The following LRMDA variants were observed in gnomAD, a reference collection of about 807,000 sequenced individuals.
The protein encoded by LRMDA is leucine-rich melanocyte differentiation-associated protein.
A neutral mutation model predicts 29.8 loss-of-function variants in LRMDA; 18 were observed. The ratio of observed to expected loss-of-function variants is 0.60; its 90% CI spans 0.42 to 0.90. LRMDA has a LOEUF of 0.90. Among genes scored for constraint, LRMDA ranks in the 40% least tolerant of loss-of-function variants. The pLI is 0.00. For synonymous variants in LRMDA, 125 were observed against 109.4 expected (o/e 1.14, Z -0.89); for missense variants, 273 against 273.9 (o/e 1.00, Z 0.02).
Position 76,357,488 on chromosome 10 carries a change from C to G in LRMDA, c.601+33003C>G, listed in dbSNP as rs1316296588. On this transcript the variant is annotated intron_variant, in intron 6 of 6. Transcript: ENST00000611255. ...AAGCACTGTGTAGAAGAGACTAGTC[C>G]CTGGATGGGGGAATTTTAAACTTCC... Among the ~76,000 whole-genome samples the G allele has an allele frequency of 2.0e-5, 3 of 152,156 alleles. No homozygotes were observed. The East Asian group carries it at 5.8e-4, about 29-fold the overall frequency.
chr10:76,206,073 C>T (rs1291158860), intron 5 of LRMDA, among the ~76,000 whole-genome samples: 3 of 152,118 alleles, frequency 2.0e-5, no homozygotes, highest in Non-Finnish European at 2.9e-5. Flanking sequence ...TTCCTCCCGT[C>T]GATCAAAAGA....
intron 2 of LRMDA, among the ~76,000 whole-genome samples, chr10:75,975,994 A>G (rs771735193): frequency 4.6e-5 from 7 of 152,142 alleles, no homozygotes; most frequent in Admixed American, 6.5e-5. Flanking sequence ...TTTTCTTCCT[A>G]CAATCTATTT....
chr10:76,217,296 T>G (rs531509178), intron 5 of LRMDA, among the ~76,000 whole-genome samples: 12 of 152,230 alleles, frequency 7.9e-5, no homozygotes, highest in Non-Finnish European at 1.8e-4. Flanking sequence ...CCCCAAACTG[T>G]ATTCCATACA....
chr10:75,682,930 G>T (rs1042361254), intron 2 of LRMDA, among the ~76,000 whole-genome samples: 1 of 152,170 alleles, frequency 6.6e-6, no homozygotes, highest in Non-Finnish European at 1.5e-5. Flanking sequence ...AATGTTCACT[G>T]TATAAAAAAC....
intron 5 of LRMDA, among the ~76,000 whole-genome samples, chr10:76,260,550 A>G (rs534671045): frequency 6.6e-6 from 1 of 152,224 alleles, no homozygotes; most frequent in South Asian, 2.1e-4. Flanking sequence ...GGAGAAACCC[A>G]TTATTAATGT....
At chr10:76,538,516 A>T (rs1843316190) in intron 6 of LRMDA, among the ~76,000 whole-genome samples, 1 of 147,524 alleles carries the variant, frequency 6.8e-6, no homozygotes, top group Non-Finnish European at 1.5e-5. Flanking sequence ...ATATATGTAT[A>T]TACATATTTA....
At chr10:75,721,689 TATC>T (rs1842569082) in intron 2 of LRMDA, among the ~76,000 whole-genome samples, 1 of 152,212 alleles carries the variant, frequency 6.6e-6, no homozygotes, top group African/African-American at 2.4e-5. Flanking sequence ...CTAGGTGACA[TATC>T]ATGTTGTATT....
intron 6 of LRMDA, among the ~76,000 whole-genome samples, chr10:76,434,924 G>A (rs988197062): frequency 6.6e-5 from 10 of 152,142 alleles, no homozygotes; most frequent in African/African-American, 1.2e-4. Context: ...AATGCCAGTA[G>A]CCAGGCACTG....
At chr10:76,105,949 G>A (rs1470922240) in intron 5 of LRMDA, among the ~76,000 whole-genome samples, 8 of 152,134 alleles carry the variant, frequency 5.3e-5, no homozygotes, top group African/African-American at 1.9e-4. Flanking sequence ...GTTCTGCCAT[G>A]TTGGCCAGGC....
At chr10:76,557,137 C>A in intron 6 of LRMDA, 72 bp from the exon 7 acceptor site, 1 of 1,239,378 alleles carries the variant, frequency 8.1e-7, no homozygotes, top group Non-Finnish European at 1.2e-6. Context: ...TGCATGTCTG[C>A]TTTTCAGCAC....
intron 2 of LRMDA, among the ~76,000 whole-genome samples, chr10:75,734,303 G>A (rs780979872): frequency 4.6e-5 from 7 of 152,178 alleles, no homozygotes; most frequent in Admixed American, 6.5e-5. Flanking sequence ...ACACATGGGC[G>A]TAGAGAAAAC....
At chr10:75,820,883 A>G (rs1236858227) in intron 2 of LRMDA, among the ~76,000 whole-genome samples, 1 of 152,246 alleles carries the variant, frequency 6.6e-6, no homozygotes, top group African/African-American at 2.4e-5. Flanking sequence ...TATTGTGACC[A>G]TCTGTTTATG....
At chr10:76,092,104 T>C (rs906511259) in intron 5 of LRMDA, among the ~76,000 whole-genome samples, 1 of 152,218 alleles carries the variant, frequency 6.6e-6, no homozygotes, top group Non-Finnish European at 1.5e-5. Context: ...TTTGGCTGTA[T>C]GCAAATGGTT....
chr10:76,461,805 G>A (rs1203333703), intron 6 of LRMDA, among the ~76,000 whole-genome samples: 3 of 152,062 alleles, frequency 2.0e-5, no homozygotes, highest in African/African-American at 7.2e-5. Context: ...CCGGGTACAG[G>A]GGCACACACC....
chr10:76,519,409 A>AATG (rs1423278827), intron 6 of LRMDA, among the ~76,000 whole-genome samples: 1 of 152,220 alleles, frequency 6.6e-6, no homozygotes, highest in African/African-American at 2.4e-5. Context: ...TTTGTTCTTA[A>AATG]TGGTAAAAAG....
chr10:76,147,472 G>C (rs61376763), intron 5 of LRMDA, among the ~76,000 whole-genome samples: 20,902 of 151,816 alleles, frequency 0.14, 1,569 homozygotes, highest in East Asian at 0.24. Context: ...TCCAGTTGAT[G>C]GCATCGGCTA....
At chr10:75,862,271 G>A (rs569810681) in intron 2 of LRMDA, among the ~76,000 whole-genome samples, 2 of 152,134 alleles carry the variant, frequency 1.3e-5, no homozygotes, top group African/African-American at 2.4e-5. Context: ...AGAAGTTGGT[G>A]TTTTTGGACT....
At position 76,457,385 on chromosome 10, in the gene LRMDA, T is replaced by C. The variant is rs148208555; in HGVS notation, c.602-99824T>C. On this transcript the variant is annotated intron_variant, in intron 6 of 6. Transcript: ENST00000611255. ...ATGCACAAAGCAGTGAAATGTTGAG[T>C]TGCCCGATGTGCATGTTTCCAGCTG... Among the ~76,000 whole-genome samples the C allele has an allele frequency of 5.3e-5, 8 of 152,302 alleles. No individual in the cohort carries two copies. In the East Asian group the frequency reaches 1.5e-3, roughly 29 times the overall value.
At chr10:76,278,801 A>G (rs1840167434) in intron 5 of LRMDA, among the ~76,000 whole-genome samples, 1 of 152,346 alleles carries the variant, frequency 6.6e-6, no homozygotes, top group South Asian at 2.1e-4. Context: ...AAGCTAATTG[A>G]ACTTTATTGA....
Sources: gnomAD v4.1 joint callset for allele counts (sites outside exome capture counted in the v4.1 genomes callset) on GRCh38, gnomAD v4.1.1 for gene constraint, MANE v1.5 for transcripts, NCBI Gene and HGNC (gene_info 2026-07-23, HGNC 2026-07-21) for gene names.